The following GFUS variants were observed in gnomAD, a reference collection of about 807,000 sequenced individuals.
GFUS encodes the protein 3-5 epimerase/4-reductase.
In GFUS, 42 loss-of-function variants were observed where a neutral mutation model predicts 41.5. The observed-to-expected ratio is 1.01, with a 90% CI of 0.79 to 1.31. GFUS has a LOEUF of 1.31. Among genes scored for constraint, GFUS ranks in the 50% most tolerant of loss-of-function variants. The probability of loss-of-function intolerance (pLI) is 0.00; values close to 1 mark genes in which losing one functional copy is unlikely to be tolerated. For synonymous variants in GFUS, 188 were observed against 173.4 expected (o/e 1.08, Z -0.66); for missense variants, 437 against 428.7 (o/e 1.02, Z -0.17).
chr8:143,616,499 G>C, intron 2 of GFUS, 68 bp downstream of exon 2: 1 of 1,606,958 alleles, frequency 6.2e-7, no homozygotes, highest in East Asian at 2.2e-5. Context: ...GCCCAGCCTG[G>C]AACTCTTAGT....
At chr8:143,616,349 G>A in intron 2 of GFUS, 129 bp from the exon 3 acceptor site, 1 of 1,159,024 alleles carries the variant, frequency 8.6e-7, no homozygotes, top group East Asian at 2.4e-5. Context: ...CCAGGGCCTG[G>A]CTGATATGAG....
chr8:143,615,913 C>T, intron 3 of GFUS, 193 bp downstream of exon 3: 1 of 518,778 alleles, frequency 1.9e-6, no homozygotes, highest in Non-Finnish European at 3.4e-6. Context: ...CCTGCATGGC[C>T]CTCTGTCCAC....
chr8:143,613,823 G>C lies in GFUS; in HGVS notation c.664-6C>G. 1.9e-6 allele frequency: 3 copies of C among 1,550,706 alleles called. No individual in the cohort carries two copies. Among genetic ancestry groups the C allele is most frequent in the Non-Finnish European group, 1.7e-6 (2 of 1,146,984 alleles). On this transcript the variant is annotated splice_polypyrimidine_tract_variant and splice_region_variant and intron_variant, in intron 7 of 10. Transcript: ENST00000425753. The stretch of plus-strand genomic sequence containing the variant: ...ATAAAGAGCTGGGCCAGGTCCTAGA[G>C]GTCAGACAGGCAGGGTCAGAGACCA...
At chr8:143,616,413 C>A in intron 2 of GFUS, 154 bp downstream of exon 2, 1 of 1,284,808 alleles carries the variant, frequency 7.8e-7, no homozygotes, top group Non-Finnish European at 1.1e-6. Context: ...AGGAACACAG[C>A]CAAGCACACC....
rs1829613566 is a variant in GFUS, at chr8:143,612,976, A to G, written c.911-11T>C. On this transcript the variant is annotated splice_polypyrimidine_tract_variant and intron_variant, in intron 10 of 10. Transcript: ENST00000425753. ...AGGTCTCCTTCACCGCTGCAGAGGC[A>G]GGCAGGTGAGGGCCATGGACAGGGA... 2 of 1,608,522 alleles carry G rather than the reference A, an allele frequency of 1.2e-6. No homozygotes were observed. Among genetic ancestry groups the G allele is most frequent in the South Asian group, 1.1e-5 (1 of 90,484 alleles).
Position 143,613,251 on chromosome 8 carries a change from A to C in GFUS, c.855T>G (p.Ser285Arg). The C allele has an allele frequency of 1.2e-6, 2 of 1,614,004 alleles. No homozygotes were observed. The highest frequency in any genetic ancestry group is 1.7e-6 in the Non-Finnish European group (2 of 1,179,950). The change falls in exon 10 of 11, where the codon AGT becomes AGG. Residue 285 changes from serine to arginine, a missense_variant. Transcript: ENST00000425753. ...GCAGGTAGGTCCTCAGCTTGCTGTT[A>C]CTGGCTGTCTTCTTAAACTGCCCAT... ...KSDGQFKKTA[S>R]NSKLRTYLPD...
rs1829657842 is a variant in GFUS, at chr8:143,614,221, G to A, written c.606C>T (p.Gly202=). 2 of 1,613,738 alleles carry A rather than the reference G, an allele frequency of 1.2e-6. No homozygotes were observed. Among genetic ancestry groups the A allele is most frequent in the Non-Finnish European group, 8.5e-7 (1 of 1,180,022 alleles). The change falls in exon 7 of 11, where the codon GGC becomes GGT. Residue 202 remains glycine (G), a synonymous_variant. Coordinates refer to ENST00000425753, the MANE Select transcript of GFUS (RefSeq NM_003313.4). ...CTGTACCCCACACCGTCAGGGCCGAGCCGCTGCCTGCAGATTTGGGGAAGG... is the reference window on the plus strand; with the variant it reads ...CTGTACCCCACACCGTCAGGGCCGAACCGCTGCCTGCAGATTTGGGGAAGG... ...IHKVHLAKSS[G]SALTVWGTGN... is the part of the protein sequence containing the mutation.
intron 4 of GFUS, 26 bp from the exon 5 acceptor site, chr8:143,614,723 C>T (rs376947459): frequency 1.7e-5 from 28 of 1,612,896 alleles, no homozygotes; most frequent in South Asian, 8.8e-5. Context: ...AGGCAGAGGC[C>T]GCTACTTCCT....
chr8:143,617,938 A>C (rs543013274), upstream of GFUS: 97 of 152,314 alleles, frequency 6.4e-4, no homozygotes, highest in African/African-American at 2.2e-3. Flanking sequence ...CTCGCGCCGC[A>C]GCCTCTTGGA....
chr8:143,613,889 G>A (rs1215580574), intron 7 of GFUS, 72 bp from the exon 8 acceptor site: 1 of 1,474,016 alleles, frequency 6.8e-7, no homozygotes, highest in African/African-American at 1.4e-5. Flanking sequence ...CTGCTGGGGA[G>A]TCCATACTGC....
In GFUS at chr8:143,613,179, G is replaced by C; in HGVS notation, c.910+17C>G. 6.2e-7 allele frequency: 1 copy of C among 1,611,920 alleles called. No individual in the cohort carries two copies. Among genetic ancestry groups the C allele is most frequent in the South Asian group, 1.1e-5 (1 of 91,064 alleles). ...GCAGGCCTCCACCAAGTGGAGGGCT[G>C]TGGGGTCAGGGCTCACCCTGCTTGA... On this transcript the variant is annotated intron_variant, in intron 10 of 10. Transcript: ENST00000425753.
chr8:143,615,844 T>G (rs1829711895), intron 3 of GFUS: 2 of 423,670 alleles, frequency 4.7e-6, no homozygotes, highest in South Asian at 1.2e-4. Flanking sequence ...CTTTTCAGCC[T>G]CCCAATGCTG....
At chr8:143,614,128 G>T (rs1402857806) in intron 7 of GFUS, 36 bp downstream of exon 7, 1 of 1,610,310 alleles carries the variant, frequency 6.2e-7, no homozygotes, top group East Asian at 2.2e-5. Context: ...CAATAGGGCA[G>T]GTTCTCTGGG....
Position 143,612,861 on chromosome 8 carries a change from G to T in GFUS, c.*49C>A. The T allele has an allele frequency of 6.4e-7, 1 of 1,574,032 alleles. No homozygotes were observed. On this transcript the variant is annotated 3_prime_UTR_variant, in exon 11 of 11. Coordinates refer to ENST00000425753, the MANE Select transcript of GFUS (RefSeq NM_003313.4). ...GCAGGGTTGACGGGTGGTGGCCGCT[G>T]GGCTCTGCCAGCCGATGGTCCGCTG...
In GFUS at chr8:143,616,099, CACTT is replaced by C; in HGVS notation, c.261+3_261+6del. On this transcript the variant is annotated splice_donor_5th_base_variant and intron_variant, in intron 3 of 10. Coordinates refer to ENST00000425753, the MANE Select transcript of GFUS (RefSeq NM_003313.4). Reference sequence around the variant, plus strand: ...TTCCAGTGCTTGCTGGGGCCACCCTCACTTACCCAGAAGTCCAAATTGTATTTGA... The same window carrying C: ...TTCCAGTGCTTGCTGGGGCCACCCTCACCCAGAAGTCCAAATTGTATTTGA... 1 of 1,568,882 alleles carries C rather than the reference CACTT, an allele frequency of 6.4e-7. No homozygotes were observed. Among genetic ancestry groups the C allele is most frequent in the Non-Finnish European group, 8.7e-7 (1 of 1,151,844 alleles).
At chr8:143,617,189 G>T (rs528001487) in intron 1 of GFUS, 8 of 161,954 alleles carry the variant, frequency 4.9e-5, no homozygotes, top group Admixed American at 3.5e-4. Context: ...ATTCCTCCAG[G>T]GCAGGACAGG....
intron 1 of GFUS, 118 bp from the exon 2 acceptor site, chr8:143,616,841 A>T: frequency 8.1e-7 from 1 of 1,233,136 alleles, no homozygotes; most frequent in African/African-American, 1.5e-5. Flanking sequence ...TCCACTGGCA[A>T]CCAGAAAGAC....
Position 143,613,268 on chromosome 8 carries a change from A to G in GFUS, c.838T>C (p.Phe280Leu), listed in dbSNP as rs1829623539. Residue 280 changes from phenylalanine (F) to leucine (L), a missense_variant, in exon 10 of 11, where the codon TTT (phenylalanine) becomes CTT (leucine). By Grantham distance (22) the Phe-to-Leu change is conservative. Coordinates refer to ENST00000425753, the MANE Select transcript of GFUS (RefSeq NM_003313.4). ...TTGCTGTTACTGGCTGTCTTCTTAA[A>G]CTGCCCATCCGACTTGGTTGTATCA... Reference protein sequence around the residue: ...TFDTTKSDGQFKKTASNSKLR... With the variant: ...TFDTTKSDGQLKKTASNSKLR... 2.5e-6 allele frequency: 4 copies of G among 1,613,888 alleles called. No individual in the cohort carries two copies. The highest frequency in any genetic ancestry group is 1.1e-5 in the South Asian group (1 of 91,086).
At chr8:143,613,717 A>G (rs1461091199) in intron 8 of GFUS, 34 bp downstream of exon 8, 3 of 1,555,584 alleles carry the variant, frequency 1.9e-6, no homozygotes, top group Admixed American at 3.9e-5. Context: ...CTGTCCTACC[A>G]TGGAGGAAGG....
Sources: gnomAD v4.1 joint callset for allele counts on GRCh38, gnomAD v4.1.1 for gene constraint, MANE v1.5 for transcripts, NCBI Gene and HGNC (gene_info 2026-07-23, HGNC 2026-07-21) for gene names.